PPARGC1A: variants seen among roughly 807,000 people sequenced by gnomAD.
PPARGC1A encodes PPARG coactivator 1 alpha.
In PPARGC1A, 25 loss-of-function variants were observed where a neutral mutation model predicts 88.7. The ratio of observed to expected loss-of-function variants is 0.28; its 90% CI spans 0.21 to 0.39. PPARGC1A has a LOEUF of 0.39. Among genes scored for constraint, PPARGC1A ranks in the 10% least tolerant of loss-of-function variants. PPARGC1A has a pLI of 1.00. For synonymous variants in PPARGC1A, 363 were observed against 355.6 expected (o/e 1.02, Z -0.24); for missense variants, 880 against 968.7 (o/e 0.91, Z 1.22).
chr4:24,393,013 GCACACA>G, the PPARGC1A span, among the ~76,000 whole-genome samples: 24,026 of 145,922 alleles, frequency 0.16, 2,051 homozygotes, highest in Non-Finnish European at 0.18. Context: ...TGCTCCATCA[GCACACA>G]CACACACACA....
chr4:24,457,995 C>T, the PPARGC1A span, among the ~76,000 whole-genome samples: 1 of 152,054 alleles, frequency 6.6e-6, no homozygotes, highest in African/African-American at 2.4e-5. Context: ...ATATTATACC[C>T]TGGAAGGAAA....
chr4:24,002,743 C>T, the PPARGC1A span, among the ~76,000 whole-genome samples: 2 of 152,072 alleles, frequency 1.3e-5, no homozygotes, highest in Admixed American at 1.3e-4. Flanking sequence ...CCAGAAAATG[C>T]ACCTTGTAGT....
At chr4:24,147,426 G>A in the PPARGC1A span, among the ~76,000 whole-genome samples, 1 of 152,170 alleles carries the variant, frequency 6.6e-6, no homozygotes, top group Non-Finnish European at 1.5e-5. Context: ...AAGCGCTTGA[G>A]AGGACTCCTC....
intron 1 of PPARGC1A, among the ~76,000 whole-genome samples, chr4:23,898,094 T>G (rs2946388): frequency 2.0e-5 from 3 of 152,090 alleles, no homozygotes; most frequent in Admixed American, 1.3e-4. Context: ...ACATCCTTTC[T>G]TCCTAATATG....
the PPARGC1A span, among the ~76,000 whole-genome samples, chr4:24,307,205 AC>A: frequency 6.6e-6 from 1 of 152,156 alleles, no homozygotes; most frequent in South Asian, 2.1e-4. Flanking sequence ...CTACAGCAGT[AC>A]CATGGAAAGG....
the PPARGC1A span, among the ~76,000 whole-genome samples, chr4:24,131,321 C>T: frequency 2.8e-4 from 42 of 152,308 alleles, no homozygotes; most frequent in South Asian, 6.2e-4. Flanking sequence ...ACTGACTTCA[C>T]TAATTCTATC....
At chr4:24,000,716 C>T in the PPARGC1A span, among the ~76,000 whole-genome samples, 1,296 of 152,064 alleles carry the variant, frequency 8.5e-3, 20 homozygotes, top group African/African-American at 0.029. Context: ...AGTGCATCCA[C>T]GATTTGATGA....
chr4:23,837,063 A>G (rs927738558), intron 2 of PPARGC1A, among the ~76,000 whole-genome samples: 3 of 152,166 alleles, frequency 2.0e-5, no homozygotes, highest in African/African-American at 7.2e-5. Flanking sequence ...GTGTCCCCAG[A>G]TTCTCACACT....
At chr4:24,035,558 TAATA>T in the PPARGC1A span, among the ~76,000 whole-genome samples, 1 of 151,304 alleles carries the variant, frequency 6.6e-6, no homozygotes, top group Non-Finnish European at 1.5e-5. Flanking sequence ...AAAATAATAA[TAATA>T]AATAAAATAA....
the PPARGC1A span, among the ~76,000 whole-genome samples, chr4:24,448,225 C>T: frequency 1.1e-4 from 16 of 152,294 alleles, no homozygotes; most frequent in South Asian, 2.3e-3. Flanking sequence ...GGCTGTTTAA[C>T]GTTTGAGGAG....
the PPARGC1A span, among the ~76,000 whole-genome samples, chr4:24,454,277 C>T: frequency 6.6e-6 from 1 of 151,322 alleles, no homozygotes; most frequent in East Asian, 2.0e-4. Context: ...TGCACTTATA[C>T]ATGGTTGCTG....
chr4:23,929,998 C>T, the PPARGC1A span, among the ~76,000 whole-genome samples: 1 of 152,076 alleles, frequency 6.6e-6, no homozygotes, highest in Non-Finnish European at 1.5e-5. Flanking sequence ...GATATTCAAC[C>T]TCTCCTATAG....
chr4:24,117,700 G>C, the PPARGC1A span, among the ~76,000 whole-genome samples: 1 of 151,694 alleles, frequency 6.6e-6, no homozygotes, highest in South Asian at 2.1e-4. Flanking sequence ...ATGAGGATAA[G>C]ACCAGATGAC....
At chr4:23,932,693 T>C in the PPARGC1A span, among the ~76,000 whole-genome samples, 3 of 152,060 alleles carry the variant, frequency 2.0e-5, no homozygotes, top group Non-Finnish European at 2.9e-5. Context: ...TAGAAAGACA[T>C]CTTATTGGAG....
the PPARGC1A span, among the ~76,000 whole-genome samples, chr4:24,238,824 G>A: frequency 2.0e-5 from 3 of 149,756 alleles, no homozygotes; most frequent in East Asian, 4.0e-4. Context: ...CACATGCTAA[G>A]TGCTAAGTGT....
At chr4:24,295,649 T>C in the PPARGC1A span, among the ~76,000 whole-genome samples, 2 of 150,780 alleles carry the variant, frequency 1.3e-5, no homozygotes, top group Non-Finnish European at 1.5e-5. Context: ...TATATATTCA[T>C]AGTTTTTTGT....
At chr4:24,118,986 T>A in the PPARGC1A span, among the ~76,000 whole-genome samples, 1 of 152,160 alleles carries the variant, frequency 6.6e-6, no homozygotes, top group Non-Finnish European at 1.5e-5. Flanking sequence ...ATAGAAGGTG[T>A]TTCTAGTGCA....
At chr4:24,178,155 A>T in the PPARGC1A span, among the ~76,000 whole-genome samples, 1 of 152,206 alleles carries the variant, frequency 6.6e-6, no homozygotes, top group Non-Finnish European at 1.5e-5. Flanking sequence ...CTATTCATTC[A>T]TTCATTCTTC....
At chr4:24,370,892 G>A in the PPARGC1A span, among the ~76,000 whole-genome samples, 257 of 149,946 alleles carry the variant, frequency 1.7e-3, no homozygotes, top group Non-Finnish European at 3.2e-3. Flanking sequence ...TTTAAGCCCC[G>A]TATGCATTAG....
Sources: allele counts gnomAD v4.1 joint callset (sites outside exome capture counted in the v4.1 genomes callset), GRCh38; gene constraint gnomAD v4.1.1; transcripts MANE v1.5; gene names NCBI Gene and HGNC (gene_info 2026-07-23, HGNC 2026-07-21).